Variants in WASHC3 observed in about 807,000 individuals in gnomAD.
WASHC3 encodes the protein WASH complex subunit 3.
In WASHC3, 24 loss-of-function variants were observed where a neutral mutation model predicts 26.1. That is an observed-to-expected ratio of 0.92 (90% CI 0.66 to 1.29). The LOEUF is 1.29. Ranked by LOEUF, WASHC3 falls within the 50% of genes most tolerant of loss-of-function variation. The pLI, the probability that WASHC3 is intolerant of heterozygous loss-of-function variation, is 0.00. For synonymous variants in WASHC3, 77 were observed against 75.7 expected (o/e 1.02, Z -0.09); for missense variants, 214 against 229.6 (o/e 0.93, Z 0.44).
intron 2 of WASHC3, among the ~76,000 whole-genome samples, 154 bp downstream of exon 2, chr12:102,061,094 G>A (rs1158775217): frequency 1.3e-5 from 2 of 151,994 alleles, no homozygotes; most frequent in African/African-American, 4.8e-5. Flanking sequence ...TTTTAACAGA[G>A]TAAAAGAGAA....
At chr12:102,041,563 A>G (rs1315687875) in intron 4 of WASHC3, among the ~76,000 whole-genome samples, 1 of 152,104 alleles carries the variant, frequency 6.6e-6, no homozygotes, top group Non-Finnish European at 1.5e-5. Flanking sequence ...AGAGAGTGAT[A>G]AACAGATGAT....
At chr12:102,059,361 CA>C (rs1878717548) in intron 2 of WASHC3, among the ~76,000 whole-genome samples, 1 of 152,050 alleles carries the variant, frequency 6.6e-6, no homozygotes, top group Admixed American at 6.5e-5. Context: ...TGAAAAAGGA[CA>C]AAAGGCAATA....
chr12:102,059,473 T>C (rs1242949565), intron 2 of WASHC3, among the ~76,000 whole-genome samples: 11 of 152,076 alleles, frequency 7.2e-5, no homozygotes. Flanking sequence ...GCAGAGAAGT[T>C]GAGACAGGAA....
intron 2 of WASHC3, among the ~76,000 whole-genome samples, chr12:102,058,983 TGGA>T (rs1319231290): frequency 2.0e-5 from 3 of 152,128 alleles, no homozygotes; most frequent in Admixed American, 6.5e-5. Flanking sequence ...CACTTATATA[TGGA>T]GGATAAAAAA....
chr12:102,033,763 T>C (rs1049987703), intron 5 of WASHC3, among the ~76,000 whole-genome samples: 1 of 151,808 alleles, frequency 6.6e-6, no homozygotes, highest in Non-Finnish European at 1.5e-5. Context: ...TTTGAGACTA[T>C]GTCATCTTCC....
At chr12:102,033,204 T>C (rs1429295432) in intron 5 of WASHC3, among the ~76,000 whole-genome samples, 1 of 152,072 alleles carries the variant, frequency 6.6e-6, no homozygotes, top group Non-Finnish European at 1.5e-5. Context: ...TTCATCCTGA[T>C]ATCCAGGAAG....
chr12:102,024,647 C>T (rs890076795), intron 6 of WASHC3, among the ~76,000 whole-genome samples: 8 of 152,130 alleles, frequency 5.3e-5, no homozygotes, highest in African/African-American at 1.9e-4. Flanking sequence ...TTATAGGGTG[C>T]TAGTTTTCCA....
intron 5 of WASHC3, among the ~76,000 whole-genome samples, chr12:102,036,568 CA>C (rs1877672786): frequency 6.6e-6 from 1 of 152,040 alleles, no homozygotes; most frequent in African/African-American, 2.4e-5. Context: ...CAATTCGAAA[CA>C]GAATATGACC....
intron 2 of WASHC3, among the ~76,000 whole-genome samples, chr12:102,057,945 C>CGCCTGTTATTA (rs1878658793): frequency 6.6e-6 from 1 of 151,854 alleles, no homozygotes; most frequent in Non-Finnish European, 1.5e-5. Flanking sequence ...AGACCCTGAA[C>CGCCTGTTATTA]AGGCAATGCA....
At chr12:102,032,726 T>C (rs1429029366) in intron 5 of WASHC3, among the ~76,000 whole-genome samples, 2 of 152,168 alleles carry the variant, frequency 1.3e-5, no homozygotes, top group Non-Finnish European at 2.9e-5. Context: ...ATGAGGGAAC[T>C]GAAGTCTTGA....
In WASHC3 at chr12:102,052,440, G is replaced by A. The variant is rs572602063; in HGVS notation, c.151-6321C>T. Among the ~76,000 whole-genome samples the A allele has an allele frequency of 4.6e-5, 7 of 152,248 alleles. No homozygotes were observed. In the East Asian group the frequency reaches 7.7e-4, roughly 17 times the overall value. The stretch of plus-strand genomic sequence containing the variant: ...ACTAGGCTGGATCACCCAGTCCTGA[G>A]TTCTAGGCTTGTCCCACTGGGACCG... On this transcript the variant is annotated intron_variant, in intron 2 of 6. Coordinates refer to ENST00000240079, the MANE Select transcript of WASHC3 (RefSeq NM_016053.4).
chr12:102,029,385 C>A (rs905081299), intron 5 of WASHC3, among the ~76,000 whole-genome samples: 9 of 152,070 alleles, frequency 5.9e-5, no homozygotes, highest in African/African-American at 1.9e-4. Flanking sequence ...GTCTGATGTT[C>A]CAAAAAATCA....
intron 6 of WASHC3, among the ~76,000 whole-genome samples, chr12:102,018,418 C>G (rs544264126): frequency 6.6e-6 from 1 of 152,322 alleles, no homozygotes; most frequent in South Asian, 2.1e-4. Flanking sequence ...TATATTCCCA[C>G]CAACAATGCA....
chr12:102,020,406 AGTTT>A (rs1392848237), intron 6 of WASHC3, among the ~76,000 whole-genome samples: 1 of 152,174 alleles, frequency 6.6e-6, no homozygotes, highest in South Asian at 2.1e-4. Context: ...TATATAAGCT[AGTTT>A]GAGTTGGTTT....
chr12:102,029,996 T>TA (rs1341142026), intron 5 of WASHC3, among the ~76,000 whole-genome samples: 1 of 152,134 alleles, frequency 6.6e-6, no homozygotes, highest in Non-Finnish European at 1.5e-5. Flanking sequence ...CAGTCCTATT[T>TA]AAAAAATACT....
chr12:102,053,882 T>C lies in WASHC3; in HGVS notation c.150+7366A>G, dbSNP rs1174801941. Among the ~76,000 whole-genome samples the C allele has an allele frequency of 2.6e-5, 4 of 152,032 alleles. No homozygotes were observed. In the East Asian group the frequency reaches 5.8e-4, roughly 22 times the overall value. ...TAACAGACAAAACTATTAAAAATAA[T>C]AATAGCTACAATAACTTGTTAAGGG... On this transcript the variant is annotated intron_variant, in intron 2 of 6. Coordinates refer to ENST00000240079, the MANE Select transcript of WASHC3 (RefSeq NM_016053.4).
chr12:102,013,283 C>T, intron 6 of WASHC3, 91 bp from the exon 7 acceptor site: 1 of 672,808 alleles, frequency 1.5e-6, no homozygotes, highest in Non-Finnish European at 2.6e-6. Context: ...TAGAATATTG[C>T]TGCTAATAAA....
chr12:102,018,056 A>T (rs1464215979), intron 6 of WASHC3, among the ~76,000 whole-genome samples: 2 of 152,194 alleles, frequency 1.3e-5, no homozygotes, highest in Non-Finnish European at 2.9e-5. Context: ...GTGGAATCAT[A>T]AAATATTTGT....
chr12:102,026,911 C>T (rs1011989105), intron 5 of WASHC3, among the ~76,000 whole-genome samples: 1 of 152,162 alleles, frequency 6.6e-6, no homozygotes. Flanking sequence ...ATGGGACCCT[C>T]CCTCTCACCC....
Sources: allele counts gnomAD v4.1 joint callset (sites outside exome capture counted in the v4.1 genomes callset), GRCh38; gene constraint gnomAD v4.1.1; transcripts MANE v1.5; gene names NCBI Gene and HGNC (gene_info 2026-07-23, HGNC 2026-07-21).